The following LARGE1 variants were observed in gnomAD, a reference collection of about 807,000 sequenced individuals.
LARGE1 encodes xylosyl- and glucuronyltransferase LARGE1.
Under a neutral mutation model 87.6 loss-of-function variants are expected in LARGE1, and 43 were observed. That is an observed-to-expected ratio of 0.49 (90% confidence interval 0.38 to 0.63). The LOEUF (loss-of-function observed/expected upper bound fraction) is 0.63, where lower values mean the gene tolerates loss of function less well. Ranked by LOEUF, LARGE1 falls within the 30% of genes least tolerant of loss-of-function variation. The probability of loss-of-function intolerance (pLI) is 0.00; values close to 1 mark genes in which losing one functional copy is unlikely to be tolerated. For missense variants in LARGE1, 802 were observed against 1,000.2 expected, an observed-to-expected ratio of 0.80 and a Z score of 2.67; for synonymous variants, 434 against 394.6, an observed-to-expected ratio of 1.10 and a Z score of -1.18.
At chr22:33,400,360 G>A (rs1206555987) in intron 7 of LARGE1, among the ~76,000 whole-genome samples, 2 of 152,176 alleles carry the variant, frequency 1.3e-5, no homozygotes, top group Admixed American at 6.5e-5. Flanking sequence ...TGGGGTAGAT[G>A]CAGTAGCATA....
chr22:33,578,259 A>T (rs1197490379), intron 5 of LARGE1, among the ~76,000 whole-genome samples: 1 of 152,230 alleles, frequency 6.6e-6, no homozygotes, highest in African/African-American at 2.4e-5. Flanking sequence ...AAAGTAGTAT[A>T]GAAGACGGTA....
intron 6 of LARGE1, among the ~76,000 whole-genome samples, chr22:33,555,432 A>T (rs866484192): frequency 1.1e-3 from 174 of 152,216 alleles, no homozygotes; most frequent in Middle Eastern, 3.4e-3. Context: ...AGAGCAGTAG[A>T]GAAAAATGGG....
chr22:33,486,867 T>A (rs997959660), intron 6 of LARGE1, among the ~76,000 whole-genome samples: 3 of 152,146 alleles, frequency 2.0e-5, no homozygotes, highest in Non-Finnish European at 4.4e-5. Context: ...TCCTCAGAAA[T>A]CTGAGGCTGA....
At chr22:33,813,916 G>A (rs968103238) in intron 1 of LARGE1, among the ~76,000 whole-genome samples, 2 of 152,156 alleles carry the variant, frequency 1.3e-5, no homozygotes, top group East Asian at 3.9e-4. Context: ...ATTATTTACT[G>A]AGTGTTTAAA....
chr22:33,739,621 G>C (rs545298734), intron 2 of LARGE1, among the ~76,000 whole-genome samples: 1 of 152,302 alleles, frequency 6.6e-6, no homozygotes, highest in South Asian at 2.1e-4. Context: ...TCAGAGAAGT[G>C]AACTCACTGA....
chr22:33,089,371 C>CTTCTTCTTCTTCTTCTTCTCCTT, the LARGE1 span, among the ~76,000 whole-genome samples: 10 of 76,096 alleles, frequency 1.3e-4, no homozygotes, highest in Admixed American at 2.7e-4. Flanking sequence ...TTCTTCTTCT[C>CTTCTTCTTCTTCTTCTTCTCCTT]CTTCTTCTTC....
At chr22:33,818,458 A>G (rs1052325899) in intron 1 of LARGE1, among the ~76,000 whole-genome samples, 2 of 152,082 alleles carry the variant, frequency 1.3e-5, no homozygotes, top group African/African-American at 4.8e-5. Context: ...GGGAGAAAAG[A>G]GGAGGGGAGG....
chr22:33,320,543 T>C lies in LARGE1; in HGVS notation c.1288-4295A>G, dbSNP rs375489640. Among the ~76,000 whole-genome samples the C allele has an allele frequency of 7.2e-5, 11 of 152,188 alleles. No homozygotes were observed. The East Asian group carries it at 1.5e-3, about 21-fold the overall frequency. On this transcript the variant is annotated intron_variant, in intron 10 of 14. Coordinates refer to ENST00000397394, the MANE Select transcript of LARGE1 (RefSeq NM_133642.5). The stretch of plus-strand genomic sequence containing the variant: ...CCGGTGAGACTGTGACATTTTACCA[T>C]TGTCCTGAGCACCATGCCTGGCTTG...
chr22:33,669,555 T>C (rs2081351626), intron 2 of LARGE1, among the ~76,000 whole-genome samples: 1 of 152,200 alleles, frequency 6.6e-6, no homozygotes, highest in Non-Finnish European at 1.5e-5. Context: ...TACTCATTGT[T>C]ATCAGAAGGT....
chr22:33,695,429 A>C (rs926616734), intron 2 of LARGE1, among the ~76,000 whole-genome samples: 1 of 152,170 alleles, frequency 6.6e-6, no homozygotes, highest in Non-Finnish European at 1.5e-5. Flanking sequence ...AGATGAAGGA[A>C]GGTACCACAC....
intron 5 of LARGE1, among the ~76,000 whole-genome samples, chr22:33,565,516 A>C (rs1254116085): frequency 6.6e-6 from 1 of 152,222 alleles, no homozygotes; most frequent in Non-Finnish European, 1.5e-5. Context: ...TTAAAACTGT[A>C]ATTGAATAGA....
intron 10 of LARGE1, among the ~76,000 whole-genome samples, chr22:33,320,707 T>C (rs1936627713): frequency 6.6e-6 from 1 of 152,232 alleles, no homozygotes; most frequent in African/African-American, 2.4e-5. Context: ...AGGTGATCAA[T>C]AAGCCCATTC....
chr22:33,651,667 G>A (rs1190950676), intron 2 of LARGE1, among the ~76,000 whole-genome samples: 2 of 152,174 alleles, frequency 1.3e-5, no homozygotes, highest in Non-Finnish European at 2.9e-5. Context: ...GGCAAAGGCG[G>A]GTCTTACCTG....
chr22:33,623,720 A>C (rs968811297), intron 4 of LARGE1, among the ~76,000 whole-genome samples: 2 of 152,032 alleles, frequency 1.3e-5, no homozygotes, highest in East Asian at 1.9e-4. Context: ...AAAAAAAAAA[A>C]AAAAACCTAA....
chr22:33,416,759 A>C (rs1007894998), intron 7 of LARGE1, among the ~76,000 whole-genome samples: 1 of 151,728 alleles, frequency 6.6e-6, no homozygotes, highest in Non-Finnish European at 1.5e-5. Flanking sequence ...ACCCGCCACC[A>C]GCCCGGCTAA....
intron 1 of LARGE1, among the ~76,000 whole-genome samples, chr22:33,911,091 TGA>T (rs1216530378): frequency 1.3e-5 from 2 of 152,138 alleles, no homozygotes; most frequent in African/African-American, 4.8e-5. Context: ...AATGACCGAA[TGA>T]GAGAGTGCCT....
intron 1 of LARGE1, among the ~76,000 whole-genome samples, chr22:33,861,052 G>C (rs925450433): frequency 6.6e-6 from 1 of 152,186 alleles, no homozygotes; most frequent in Non-Finnish European, 1.5e-5. Context: ...CTTAGGCTGA[G>C]AGTGGGTAAC....
At chr22:33,809,844 G>A (rs926473072) in intron 1 of LARGE1, among the ~76,000 whole-genome samples, 2 of 151,666 alleles carry the variant, frequency 1.3e-5, no homozygotes, top group Non-Finnish European at 2.9e-5. Flanking sequence ...TTCAATGACT[G>A]AAGTGAAATA....
intron 10 of LARGE1, among the ~76,000 whole-genome samples, chr22:33,332,033 TGACTG>T (rs1937779508): frequency 6.6e-6 from 1 of 152,100 alleles, no homozygotes; most frequent in African/African-American, 2.4e-5. Context: ...CACTCAACAG[TGACTG>T]CAAGAGCCGA....
Sources: allele counts gnomAD v4.1 joint callset (sites outside exome capture counted in the v4.1 genomes callset), GRCh38; gene constraint gnomAD v4.1.1; transcripts MANE v1.5; gene names NCBI Gene and HGNC (gene_info 2026-07-23, HGNC 2026-07-21).